The following STXBP5L variants were observed in gnomAD, a reference collection of about 807,000 sequenced individuals.
STXBP5L encodes the protein syntaxin binding protein 5L.
A neutral mutation model predicts 144.5 loss-of-function variants in STXBP5L; 65 were observed. That is an observed-to-expected ratio of 0.45 (90% CI 0.37 to 0.55). The LOEUF (loss-of-function observed/expected upper bound fraction) is 0.55. Among genes scored for constraint, STXBP5L ranks in the 20% least tolerant of loss-of-function variants. The pLI is 0.00. For synonymous variants in STXBP5L, 505 were observed against 469.6 expected, an observed-to-expected ratio of 1.08 and a Z score of -0.97; for missense variants, 1,298 against 1,405.5, an observed-to-expected ratio of 0.92 and a Z score of 1.22.
At chr3:121,003,126 G>A (rs866273306) in intron 3 of STXBP5L, among the ~76,000 whole-genome samples, 1 of 152,158 alleles carries the variant, frequency 6.6e-6, no homozygotes, top group South Asian at 2.1e-4. Flanking sequence ...CCGAGGAATT[G>A]CCACACTGAC....
intron 3 of STXBP5L, among the ~76,000 whole-genome samples, chr3:121,038,318 C>A (rs1367416305): frequency 3.3e-5 from 5 of 151,950 alleles, no homozygotes; most frequent in Non-Finnish European, 7.4e-5. Flanking sequence ...GCATCTCACA[C>A]CTTTGATATA....
intron 9 of STXBP5L, among the ~76,000 whole-genome samples, chr3:121,174,581 G>A (rs1437646021): frequency 6.6e-6 from 1 of 152,082 alleles, no homozygotes; most frequent in African/African-American, 2.4e-5. Flanking sequence ...CTTGCTTAGG[G>A]CGGACACCCT....
chr3:121,298,953 AGAGTT>A (rs1291470056), intron 19 of STXBP5L, among the ~76,000 whole-genome samples: 1 of 152,210 alleles, frequency 6.6e-6, no homozygotes, highest in African/African-American at 2.4e-5. Flanking sequence ...TTATATATGT[AGAGTT>A]AAGTGTCTTT....
chr3:121,089,264 A>G (rs879397827), intron 5 of STXBP5L, among the ~76,000 whole-genome samples: 1 of 151,772 alleles, frequency 6.6e-6, no homozygotes, highest in Non-Finnish European at 1.5e-5. Context: ...AGAAAACTCC[A>G]TAAAGCAATT....
chr3:121,131,285 A>G (rs905265295), intron 7 of STXBP5L, among the ~76,000 whole-genome samples: 6 of 152,154 alleles, frequency 3.9e-5, no homozygotes, highest in Admixed American at 6.6e-5. Flanking sequence ...ATAAAAGCCT[A>G]CATAAAATGG....
chr3:121,059,334 A>T (rs1461863263), intron 5 of STXBP5L, among the ~76,000 whole-genome samples: 1 of 151,998 alleles, frequency 6.6e-6, no homozygotes, highest in Non-Finnish European at 1.5e-5. Flanking sequence ...AGGTCTGTAT[A>T]TCTGTTTTGT....
At position 121,418,486 on chromosome 3, in the gene STXBP5L, C is replaced by A; in HGVS notation, c.3376C>A (p.Leu1126Ile). The A allele has an allele frequency of 1.9e-6, 3 of 1,614,036 alleles. No individual in the cohort carries two copies. The highest frequency in any genetic ancestry group is 2.5e-6 in the Non-Finnish European group (3 of 1,179,978). ...RIALDERGQR[L>I]GELEEKTAGM... The stretch of plus-strand genomic sequence containing the variant: ...TGCACTTGATGAAAGAGGACAGAGG[C>A]TAGGAGAGCTGGAAGAGAAAACTGC... The change falls in exon 26 of 27, where the codon CTA (leucine) becomes ATA (isoleucine). Residue 1126 changes from leucine (L) to isoleucine (I), a missense_variant. Leu to Ile is a conservative substitution (Grantham distance 5, BLOSUM62 2). Transcript: ENST00000471454.
intron 9 of STXBP5L, among the ~76,000 whole-genome samples, chr3:121,168,397 T>A (rs1259659624): frequency 6.6e-6 from 1 of 152,080 alleles, no homozygotes; most frequent in Non-Finnish European, 1.5e-5. Context: ...TCCTCTGAGC[T>A]AAAGGAGGAT....
chr3:121,060,265 G>A (rs1442373903), intron 5 of STXBP5L, among the ~76,000 whole-genome samples: 1 of 152,126 alleles, frequency 6.6e-6, no homozygotes, highest in African/African-American at 2.4e-5. Context: ...TTTATGTGAT[G>A]GATTATGTTT....
At chr3:121,063,187 G>A (rs1268739161) in intron 5 of STXBP5L, among the ~76,000 whole-genome samples, 1 of 152,186 alleles carries the variant, frequency 6.6e-6, no homozygotes, top group African/African-American at 2.4e-5. Flanking sequence ...TTCGGATGGG[G>A]TTTTGGTGTG....
intron 3 of STXBP5L, among the ~76,000 whole-genome samples, chr3:120,976,120 G>A (rs184137738): frequency 1.3e-5 from 2 of 152,178 alleles, no homozygotes; most frequent in Admixed American, 6.5e-5. Context: ...AGAAGGAATG[G>A]TACCAGCTCC....
chr3:121,236,705 A>G (rs1025078171), intron 12 of STXBP5L, among the ~76,000 whole-genome samples: 4 of 152,220 alleles, frequency 2.6e-5, no homozygotes, highest in Admixed American at 6.5e-5. Flanking sequence ...CATAAAAGAT[A>G]CAATCATTCT....
chr3:120,915,164 A>T (rs1327579870), intron 2 of STXBP5L, among the ~76,000 whole-genome samples: 2 of 152,168 alleles, frequency 1.3e-5, no homozygotes, highest in Non-Finnish European at 2.9e-5. Context: ...TGTATTTCTC[A>T]TACATACAGA....
intron 14 of STXBP5L, among the ~76,000 whole-genome samples, chr3:121,241,449 C>T (rs138002452): frequency 3.9e-5 from 6 of 152,096 alleles, no homozygotes; most frequent in African/African-American, 1.4e-4. Context: ...TGTGGCCCCA[C>T]CCCAACTCAC....
intron 14 of STXBP5L, among the ~76,000 whole-genome samples, chr3:121,246,333 T>A (rs2049852318): frequency 6.6e-6 from 1 of 152,336 alleles, no homozygotes; most frequent in South Asian, 2.1e-4. Flanking sequence ...GAAAAGTTGT[T>A]TTCCACGAAA....
chr3:121,109,175 A>C (rs755228332), intron 5 of STXBP5L, among the ~76,000 whole-genome samples: 28 of 152,086 alleles, frequency 1.8e-4, no homozygotes, highest in Admixed American at 4.6e-4. Context: ...TTATTCTTTC[A>C]AAAAACCAGC....
At chr3:121,393,919 G>C (rs1032056200) in intron 22 of STXBP5L, among the ~76,000 whole-genome samples, 1 of 151,956 alleles carries the variant, frequency 6.6e-6, no homozygotes, top group African/African-American at 2.4e-5. Flanking sequence ...AGACTGTTTT[G>C]GTTCCATATG....
chr3:120,979,931 C>T (rs533014651), intron 3 of STXBP5L, among the ~76,000 whole-genome samples: 1 of 152,194 alleles, frequency 6.6e-6, no homozygotes, highest in South Asian at 2.1e-4. Context: ...TTTCTGTTTT[C>T]ATTTGTTTCA....
chr3:121,392,891 A>AT (rs2046630303), intron 22 of STXBP5L, among the ~76,000 whole-genome samples: 1 of 150,914 alleles, frequency 6.6e-6, no homozygotes, highest in Non-Finnish European at 1.5e-5. Flanking sequence ...TGCAATAAAC[A>AT]TACACGTGCT....
Sources: allele counts gnomAD v4.1 joint callset (sites outside exome capture counted in the v4.1 genomes callset), GRCh38; gene constraint gnomAD v4.1.1; transcripts MANE v1.5; gene names NCBI Gene and HGNC (gene_info 2026-07-23, HGNC 2026-07-21).